The following UGT2B11 variants were observed in gnomAD, a reference collection of about 807,000 sequenced individuals.
UGT2B11 encodes UDP glucuronosyltransferase family 2 member B11.
Under a neutral mutation model 51.7 loss-of-function variants are expected in UGT2B11, and 49 were observed. That is an observed-to-expected ratio of 0.95 (90% CI 0.75 to 1.20). The LOEUF (loss-of-function observed/expected upper bound fraction) is 1.20, where lower values mean the gene tolerates loss of function less well. Ranked by LOEUF, UGT2B11 falls within the 50% of genes most tolerant of loss-of-function variation. UGT2B11 has a pLI of 0.00. For synonymous variants in UGT2B11, 273 were observed against 209.0 expected (o/e 1.31, Z -2.64); for missense variants, 810 against 622.1 (o/e 1.30, Z -3.21).
At chr4:69,207,035 A>C (rs1293446683) in intron 3 of UGT2B11, among the ~76,000 whole-genome samples, 1 of 151,630 alleles carries the variant, frequency 6.6e-6, no homozygotes, top group Admixed American at 6.6e-5. Context: ...TTTTTGACAC[A>C]AATTCAGAAT....
chr4:69,211,700 C>T (rs531986707), intron 2 of UGT2B11, among the ~76,000 whole-genome samples: 15 of 151,480 alleles, frequency 9.9e-5, no homozygotes, highest in Admixed American at 5.3e-4. Context: ...GTCCACTTTT[C>T]CATCATCTGT....
In UGT2B11 at chr4:69,204,458, C is replaced by G. The variant is rs147440057; in HGVS notation, c.1282G>C (p.Ala428Pro). The change falls in exon 5 of 6, where the codon GCA becomes CCA. Residue 428 changes from alanine (A) to proline (P), a missense_variant. Transcript: ENST00000446444. ...NTMSSTDLLN[A>P]LKTVINDPLY... ...GGATCATTAATTACTGTCTTCAGTG[C>G]ATTCAGCAGGTCTGTACTCGACATT... is the stretch of plus-strand genomic sequence containing the variant. 3.1e-6 allele frequency: 5 copies of G among 1,611,954 alleles called. No homozygotes were observed. The South Asian group carries it at 4.4e-5, about 14-fold the overall frequency.
chr4:69,204,508 G>A lies in UGT2B11; in HGVS notation c.1232C>T (p.Ala411Val), dbSNP rs185382950. 21 of 1,612,250 alleles carry A rather than the reference G, an allele frequency of 1.3e-5. No homozygotes were observed. The Admixed American group carries it at 2.8e-4, about 22-fold the overall frequency. Residue 411 changes from alanine (A) to valine (V), a missense_variant, in exon 5 of 6, where the codon GCA (alanine) becomes GTA (valine). Physicochemically the swap from Ala to Val is moderately conservative, Grantham distance 64. Coordinates refer to ENST00000446444, the MANE Select transcript of UGT2B11 (RefSeq NM_001073.3). ...TGTGTTGAAGTCCAATCTAACAGCTGCTCCCTTGGCCTTCATGTGAGCAAT... is the reference window on the plus strand; with the variant it reads ...TGTGTTGAAGTCCAATCTAACAGCTACTCCCTTGGCCTTCATGTGAGCAAT... ...DNIAHMKAKG[A>V]AVRLDFNTMS...
chr4:69,223,680 G>A, the UGT2B11 span, among the ~76,000 whole-genome samples: 1 of 152,128 alleles, frequency 6.6e-6, no homozygotes, highest in African/African-American at 2.4e-5. Flanking sequence ...GGCTTATTAA[G>A]CTTAAAGGGG....
chr4:69,206,295 T>TAA lies in UGT2B11; in HGVS notation c.1003-730_1003-729dup, dbSNP rs71204079. On this transcript the variant is annotated intron_variant, in intron 3 of 5. Transcript: ENST00000446444. ...TACACTACGGAATATTATGCAGCCA[T>TAA]AAAAAAAACAAAAATATGTATTTTG... is the stretch of plus-strand genomic sequence containing the variant. Among the ~76,000 whole-genome samples, 10 of 151,178 alleles carry TAA rather than the reference T, an allele frequency of 6.6e-5. No individual in the cohort carries two copies. In the South Asian group the frequency reaches 1.7e-3, roughly 25 times the overall value.
At chr4:69,208,789 C>T (rs879054025) in intron 2 of UGT2B11, among the ~76,000 whole-genome samples, 12 of 151,434 alleles carry the variant, frequency 7.9e-5, no homozygotes, top group East Asian at 2.0e-4. Flanking sequence ...ATACCCAGAC[C>T]CTTCACTTAT....
chr4:69,206,394 G>A (rs1236759980), intron 3 of UGT2B11, among the ~76,000 whole-genome samples: 3 of 151,674 alleles, frequency 2.0e-5, no homozygotes, highest in Non-Finnish European at 4.4e-5. Context: ...AATGTGACAT[G>A]TCCTCACTTA....
chr4:69,221,054 C>T, the UGT2B11 span, among the ~76,000 whole-genome samples: 6 of 152,088 alleles, frequency 3.9e-5, no homozygotes, highest in South Asian at 2.1e-4. Flanking sequence ...TAAGGGTTCG[C>T]GTGTGGCAAG....
intron 2 of UGT2B11, among the ~76,000 whole-genome samples, chr4:69,211,425 A>G (rs1197603308): frequency 6.6e-6 from 1 of 151,666 alleles, no homozygotes; most frequent in Non-Finnish European, 1.5e-5. Context: ...TTGCAAGAGA[A>G]TATAACCTTG....
At chr4:69,212,860 T>A (rs1722126430) in intron 1 of UGT2B11, 139 bp from the exon 2 acceptor site, 2 of 700,464 alleles carry the variant, frequency 2.9e-6, no homozygotes, top group South Asian at 1.3e-4. Context: ...TATATATGAA[T>A]AATATATTAT....
chr4:69,210,361 C>G (rs1342585140), intron 2 of UGT2B11, among the ~76,000 whole-genome samples: 6 of 151,552 alleles, frequency 4.0e-5, no homozygotes, highest in Non-Finnish European at 5.9e-5. Flanking sequence ...TTTTAAAACA[C>G]TTGATGCAGT....
chr4:69,204,314 T>A lies in UGT2B11; in HGVS notation c.1310+116A>T, dbSNP rs1261073261. On this transcript the variant is annotated intron_variant, in intron 5 of 5. Coordinates refer to ENST00000446444, the MANE Select transcript of UGT2B11 (RefSeq NM_001073.3). The stretch of plus-strand genomic sequence containing the variant: ...AACAAAGCAGATTTCAGATTGGTTA[T>A]ATCATTTAAATTCTTTCAAGATTAC... 8 of 1,459,568 alleles carry A rather than the reference T, an allele frequency of 5.5e-6. No individual in the cohort carries two copies. The South Asian group carries it at 5.5e-5, about 10-fold the overall frequency. 90.4% of individuals were successfully genotyped at this position (1,459,568 alleles called of 1,614,324 possible).
intron 3 of UGT2B11, among the ~76,000 whole-genome samples, chr4:69,208,138 A>C (rs550972893): frequency 9.9e-5 from 15 of 151,690 alleles, no homozygotes; most frequent in East Asian, 9.8e-4. Flanking sequence ...GCCACTCATG[A>C]ATACCAAGGG....
intron 2 of UGT2B11, among the ~76,000 whole-genome samples, chr4:69,210,013 G>A (rs531795643): frequency 6.6e-6 from 1 of 151,292 alleles, no homozygotes; most frequent in Non-Finnish European, 1.5e-5. Flanking sequence ...TATGGATTTT[G>A]TCCTATTTAT....
upstream of UGT2B11, chr4:69,215,615 T>G (rs1219767710): frequency 1.3e-5 from 2 of 152,038 alleles, no homozygotes; most frequent in African/African-American, 2.4e-5. Flanking sequence ...GGACATGTTT[T>G]TATTTTTCTT....
chr4:69,224,612 A>T, the UGT2B11 span, among the ~76,000 whole-genome samples: 3 of 152,158 alleles, frequency 2.0e-5, no homozygotes, highest in African/African-American at 4.8e-5. Flanking sequence ...CCACGTGACG[A>T]TGTAAATGCC....
intron 3 of UGT2B11, among the ~76,000 whole-genome samples, chr4:69,207,499 C>T (rs534672122): frequency 6.6e-6 from 1 of 151,682 alleles, no homozygotes; most frequent in Non-Finnish European, 1.5e-5. Context: ...ACATCTGAAC[C>T]TGTTCCCCTG....
the UGT2B11 span, among the ~76,000 whole-genome samples, chr4:69,222,171 G>A: frequency 6.6e-6 from 1 of 152,256 alleles, no homozygotes; most frequent in Non-Finnish European, 1.5e-5. Flanking sequence ...GAGGTTGCCA[G>A]GTTTAATAAT....
chr4:69,200,323 T>G lies in UGT2B11; in HGVS notation c.*117A>C, dbSNP rs1307065424. The G allele has an allele frequency of 4.7e-5, 54 of 1,160,206 alleles. No homozygotes were observed. In the African/African-American group the frequency reaches 8.1e-4, roughly 17 times the overall value. 71.9% of individuals were successfully genotyped at this position (1,160,206 alleles called of 1,614,324 possible). ...AGGTAGATTTGAAAATTTTTTTTTTTTTTTTTTTTTTGTCACAGGAAGAAA... is the reference window on the plus strand; with the variant it reads ...AGGTAGATTTGAAAATTTTTTTTTTGTTTTTTTTTTTGTCACAGGAAGAAA... On this transcript the variant is annotated 3_prime_UTR_variant, in exon 6 of 6. Coordinates refer to ENST00000446444, the MANE Select transcript of UGT2B11 (RefSeq NM_001073.3).
Sources: allele counts gnomAD v4.1 joint callset (sites outside exome capture counted in the v4.1 genomes callset), GRCh38; gene constraint gnomAD v4.1.1; transcripts MANE v1.5; gene names NCBI Gene and HGNC (gene_info 2026-07-23, HGNC 2026-07-21).